CCDC88C: variants seen among roughly 807,000 people sequenced by gnomAD.
CCDC88C encodes the protein protein Daple.
Under a neutral mutation model 198.8 loss-of-function variants are expected in CCDC88C, and 131 were observed. That is an observed-to-expected ratio of 0.66 (90% CI 0.57 to 0.76). The LOEUF is 0.76. CCDC88C is among the 30% of genes least tolerant of loss of function. The pLI, the probability that CCDC88C is intolerant of heterozygous loss-of-function variation, is 0.00. For synonymous variants in CCDC88C, 1,166 were observed against 1,114.7 expected (o/e 1.05, Z -0.92); for missense variants, 2,553 against 2,631.6 (o/e 0.97, Z 0.65).
At chr14:91,308,060 C>T (rs1039895026) in intron 17 of CCDC88C, among the ~76,000 whole-genome samples, 13 of 152,384 alleles carry the variant, frequency 8.5e-5, no homozygotes, top group South Asian at 8.3e-4. Context: ...CAGTGCCCAA[C>T]GTGCAGTTTC....
At chr14:91,282,885 G>C (rs915131304) in intron 26 of CCDC88C, among the ~76,000 whole-genome samples, 1 of 152,110 alleles carries the variant, frequency 6.6e-6, no homozygotes, top group Non-Finnish European at 1.5e-5. Flanking sequence ...AACATGATGA[G>C]ACCACATATC....
chr14:91,307,215 C>G lies in CCDC88C; in HGVS notation c.3018G>C (p.Glu1006Asp). The change falls in exon 18 of 30, where the codon GAG (glutamate) becomes GAC (aspartate). Residue 1006 changes from glutamate to aspartate, a missense_variant. Coordinates refer to ENST00000389857, the MANE Select transcript of CCDC88C (RefSeq NM_001080414.4). ...LESELQMLKK[E>D]CETLRQNQGE... is the part of the protein sequence containing the mutation. The stretch of plus-strand genomic sequence containing the variant: ...CCTGGTTCTGCCTGAGGGTCTCACA[C>G]TCCTTCTTTAGCTACAGGTGTGACA... 6.2e-7 allele frequency: 1 copy of G among 1,613,540 alleles called. No homozygotes were observed. Among genetic ancestry groups the G allele is most frequent in the Non-Finnish European group, 8.5e-7 (1 of 1,179,866 alleles).
In CCDC88C at chr14:91,297,293, C is replaced by T. The variant is rs3742656; in HGVS notation, c.3966+12G>A. ...TCCCTGTCTCCCGAGGCTCCCCTGG[C>T]GCTGGCCTCACCTCACAGTGGTTGT... On this transcript the variant is annotated intron_variant, in intron 22 of 29. Coordinates refer to ENST00000389857, the MANE Select transcript of CCDC88C (RefSeq NM_001080414.4). 844,811 of 1,608,290 alleles carry T rather than the reference C, an allele frequency of 0.53. 225,915 individuals carry two copies. Among genetic ancestry groups the T allele is most frequent in the African/African-American group, 0.67 (50,363 of 74,922 alleles).
intron 3 of CCDC88C, among the ~76,000 whole-genome samples, chr14:91,405,682 G>A (rs2140008714): frequency 6.6e-6 from 1 of 152,306 alleles, no homozygotes; most frequent in East Asian, 1.9e-4. Context: ...GGGCTGATGG[G>A]TGGGTCTTTT....
chr14:91,283,585 A>C, intron 25 of CCDC88C, 68 bp from the exon 26 acceptor site: 1 of 1,446,788 alleles, frequency 6.9e-7, no homozygotes, highest in Non-Finnish European at 9.5e-7. Flanking sequence ...AAACCACACC[A>C]TGGCCTAGAA....
intron 27 of CCDC88C, 125 bp from the exon 28 acceptor site, chr14:91,279,431 A>G: frequency 2.7e-6 from 2 of 745,864 alleles, no homozygotes; most frequent in Non-Finnish European, 4.3e-6. Flanking sequence ...GCCCTCAGGA[A>G]GGAGGAGCTC....
In CCDC88C at chr14:91,283,354, G is replaced by A. The variant is rs765476380; in HGVS notation, c.4605C>T (p.Ile1535=). 1.6e-5 allele frequency: 26 copies of A among 1,613,762 alleles called. No homozygotes were observed. Among genetic ancestry groups the A allele is most frequent in the Middle Eastern group, 1.7e-4 (1 of 5,996 alleles). The change falls in exon 26 of 30, where the codon ATC becomes ATT. Residue 1535 remains isoleucine (I), a synonymous_variant. Transcript: ENST00000389857. ...TTTAPSNSTP[I]ARHPGRTKGY... The stretch of plus-strand genomic sequence containing the variant: ...CTTTGGTGCGGCCTGGGTGCCGGGC[G>A]ATGGGGGTGGAGTTGGAAGGGGCTG...
chr14:91,314,096 G>A lies in CCDC88C; in HGVS notation c.1720C>T (p.Arg574Trp), dbSNP rs762029178. ...TCACTGCTGACCTGCGACCTCTCCC[G>A]CAGCGACCACATGGCTCGGTTGAGG... ...DHLNRAMWSL[R>W]ERSQVSSEAR... is the part of the protein sequence containing the mutation. Residue 574 changes from arginine to tryptophan, a missense_variant, in exon 15 of 30, where the codon CGG (arginine) becomes TGG (tryptophan). Transcript: ENST00000389857. 2.6e-5 allele frequency: 42 copies of A among 1,613,444 alleles called. No individual in the cohort carries two copies. In the East Asian group the frequency reaches 2.9e-4, roughly 11 times the overall value.
intron 3 of CCDC88C, among the ~76,000 whole-genome samples, chr14:91,374,438 A>T (rs535883242): frequency 7.5e-4 from 115 of 152,374 alleles, no homozygotes; most frequent in Admixed American, 1.6e-3. Flanking sequence ...TGTGTTAAGA[A>T]GCAAAATAAA....
Position 91,313,758 on chromosome 14 carries a change from C to T in CCDC88C, c.2058G>A (p.Gln686=), listed in dbSNP as rs190081014. The change falls in exon 15 of 30, where the codon CAG becomes CAA. Residue 686 remains glutamine (Q), a synonymous_variant. Transcript: ENST00000389857. This position sits in a 1 kb window ranked among gnomAD's most constrained non-coding sequence, Gnocchi z 5.2. ...GGCCCTCAAGCTGCAGGGACACGTT[C>T]TGCAAGGTGTCCAGAGACTTCCTCA... ...RTLRKSLDTL[Q]NVSLQLEGLE... 5 of 1,608,256 alleles carry T rather than the reference C, an allele frequency of 3.1e-6. No homozygotes were observed. The East Asian group carries it at 1.1e-4, about 36-fold the overall frequency.
chr14:91,390,895 C>T (rs1885470071), intron 3 of CCDC88C, among the ~76,000 whole-genome samples: 1 of 152,184 alleles, frequency 6.6e-6, no homozygotes. Flanking sequence ...CTCAGGCTCA[C>T]CACTTCCTTG....
intron 1 of CCDC88C, chr14:91,417,158 C>T (rs150415900): frequency 1.4e-6 from 1 of 703,200 alleles, no homozygotes; most frequent in African/African-American, 1.7e-5. Context: ...TCAGTGCGCC[C>T]ACCCCAGTCT....
Position 91,272,955 on chromosome 14 carries a change from G to A in CCDC88C, c.5757C>T (p.Gly1919=), listed in dbSNP as rs754982958. The change falls in exon 30 of 30, where the codon GGC becomes GGT. Residue 1919 remains glycine, a synonymous_variant. Coordinates refer to ENST00000389857, the MANE Select transcript of CCDC88C (RefSeq NM_001080414.4). ...ATAGAGAAAA[G]SGSNSQLLHF... ...GCAGGAGCTGGGAGTTGCTGCCACT[G>A]CCAGCAGCAGCAGCACCAGCACCTG... 21 of 1,558,156 alleles carry A rather than the reference G, an allele frequency of 1.3e-5. No individual in the cohort carries two copies. In the South Asian group the frequency reaches 2.4e-4, roughly 18 times the overall value.
At chr14:91,301,190 C>T (rs139773528) in intron 20 of CCDC88C, among the ~76,000 whole-genome samples, 3 of 152,298 alleles carry the variant, frequency 2.0e-5, no homozygotes, top group East Asian at 1.9e-4. Flanking sequence ...TGAGCGTCTC[C>T]GATTTTAGTG....
At chr14:91,384,288 T>G (rs79614596) in intron 3 of CCDC88C, 1 of 319,560 alleles carries the variant, frequency 3.1e-6, no homozygotes, top group Non-Finnish European at 6.0e-6. Context: ...TTTTTTTTTT[T>G]TGTATTTGAA....
intron 19 of CCDC88C, 85 bp downstream of exon 19, chr14:91,305,680 T>C: frequency 1.5e-6 from 2 of 1,355,820 alleles, no homozygotes; most frequent in African/African-American, 2.9e-5. Flanking sequence ...TTTTGAGGAG[T>C]CCTAATGCCC....
At chr14:91,332,209 G>A (rs929395359) in intron 10 of CCDC88C, among the ~76,000 whole-genome samples, 5 of 152,136 alleles carry the variant, frequency 3.3e-5, no homozygotes, top group Admixed American at 6.5e-5. Flanking sequence ...TTTAAAATAC[G>A]GGGAAAGAGA....
At chr14:91,293,279 G>GCCTGCCACGGCCC (rs1890768754) in intron 23 of CCDC88C, among the ~76,000 whole-genome samples, 1 of 5,784 alleles carries the variant, frequency 1.7e-4, no homozygotes. Context: ...TGCCACGGCC[G>GCCTGCCACGGCCC]ACCTTCCTGT....
intron 4 of CCDC88C, among the ~76,000 whole-genome samples, chr14:91,358,093 G>C (rs966055269): frequency 5.9e-5 from 9 of 152,322 alleles, no homozygotes; most frequent in Admixed American, 3.9e-4. Flanking sequence ...CAGCCAGCTG[G>C]AGCCCAGAAA....
Sources: allele counts gnomAD v4.1 joint callset (sites outside exome capture counted in the v4.1 genomes callset), GRCh38; gene constraint gnomAD v4.1.1; non-coding constraint Gnocchi (gnomAD v3.1); transcripts MANE v1.5; gene names NCBI Gene and HGNC (gene_info 2026-07-23, HGNC 2026-07-21).